Variants in FCHO1 observed in about 807,000 individuals in gnomAD.
FCHO1 encodes the protein FCH and mu domain containing endocytic adaptor 1, also known as F-BAR domain only protein 1.
A neutral mutation model predicts 114.4 loss-of-function variants in FCHO1; 45 were observed. The ratio of observed to expected loss-of-function variants is 0.39; its 90% confidence interval spans 0.31 to 0.50. FCHO1 has a LOEUF of 0.50. FCHO1 is among the 20% of genes least tolerant of loss of function. The probability of loss-of-function intolerance (pLI) is 0.77; values close to 1 mark genes in which losing one functional copy is unlikely to be tolerated. For missense variants in FCHO1, 1,042 were observed against 1,209.6 expected, an observed-to-expected ratio of 0.86 and a Z score of 2.06; for synonymous variants, 480 against 488.9, an observed-to-expected ratio of 0.98 and a Z score of 0.24.
chr19:17,770,362 G>A lies in FCHO1; in HGVS notation c.337-63G>A, dbSNP rs12327667. 648,156 of 1,491,118 alleles carry A rather than the reference G, an allele frequency of 0.43. 145,652 individuals are homozygous for A. Among genetic ancestry groups the A allele is most frequent in the East Asian group, 0.72 (30,752 of 42,664 alleles). 92.4% of individuals were successfully genotyped at this position (1,491,118 alleles called of 1,614,324 possible). On this transcript the variant is annotated intron_variant, in intron 7 of 28. Transcript: ENST00000596536. ...AAAAAGACTGTGGAGCTGACATCACGTGGAGTGTTTGGGAGGTCAGGAATT... is the reference window on the plus strand; with the variant it reads ...AAAAAGACTGTGGAGCTGACATCACATGGAGTGTTTGGGAGGTCAGGAATT...
intron 8 of FCHO1, 47 bp from the exon 9 acceptor site, chr19:17,770,745 C>T (rs1481843496): frequency 3.8e-6 from 6 of 1,598,538 alleles, no homozygotes; most frequent in Non-Finnish European, 5.1e-6. Flanking sequence ...GGGGGAGGCC[C>T]CCTGAGTATC....
chr19:17,766,554 TATTC>T (rs2146758003), intron 6 of FCHO1, 111 bp from the exon 7 acceptor site: 1 of 1,311,068 alleles, frequency 7.6e-7, no homozygotes, highest in South Asian at 1.4e-5. Context: ...TATGAATTAG[TATTC>T]ATTCATGTTT....
intron 27 of FCHO1, among the ~76,000 whole-genome samples, chr19:17,787,223 C>CA (rs61302593): frequency 0.021 from 824 of 39,820 alleles, 124 homozygotes; most frequent in East Asian, 0.2. Flanking sequence ...GACTCTGTCT[C>CA]AAAAAAAAAA....
chr19:17,787,678 C>A lies in FCHO1; in HGVS notation c.2483-4C>A. 1 of 1,552,572 alleles carries A rather than the reference C, an allele frequency of 6.4e-7. No individual in the cohort carries two copies. The highest frequency in any genetic ancestry group is 2.4e-5 in the East Asian group (1 of 41,800). On this transcript the variant is annotated splice_polypyrimidine_tract_variant and splice_region_variant and intron_variant, in intron 27 of 28. Coordinates refer to ENST00000596536, the MANE Select transcript of FCHO1 (RefSeq NM_015122.3). ...AGGGCGCAGCTGACTGCAGGTCTCC[C>A]CAGGTTCTGGCCGCCTCTCTGCCAG...
At chr19:17,748,217 C>T (rs776577586), upstream of FCHO1, among the ~76,000 whole-genome samples, 1 of 152,164 alleles carries the variant, frequency 6.6e-6, no homozygotes, top group East Asian at 1.9e-4. Flanking sequence ...ATTCCCTCTT[C>T]CCAGCTCCGG....
chr19:17,775,976 A>C lies in FCHO1; in HGVS notation c.1004-7A>C. 6.2e-7 allele frequency: 1 copy of C among 1,605,396 alleles called. No individual in the cohort carries two copies. Among genetic ancestry groups the C allele is most frequent in the Non-Finnish European group, 8.5e-7 (1 of 1,179,490 alleles). ...TGGGATTGGCTTGGACCTTGACTGC[A>C]GCCCACGCACGGCCGAGCCCTCCCG... On this transcript the variant is annotated splice_polypyrimidine_tract_variant and splice_region_variant and intron_variant, in intron 15 of 28. Coordinates refer to ENST00000596536, the MANE Select transcript of FCHO1 (RefSeq NM_015122.3). The surrounding 1 kb of genome is among the most constrained non-coding windows in gnomAD (Gnocchi z 5.1).
chr19:17,760,028 G>A (rs1296482307), intron 4 of FCHO1, among the ~76,000 whole-genome samples: 1 of 144,168 alleles, frequency 6.9e-6, no homozygotes, highest in Non-Finnish European at 1.5e-5. Flanking sequence ...GAAATATGTT[G>A]TGTCTCCTGT....
intron 1 of FCHO1, chr19:17,752,441 G>A (rs2082213512): frequency 6.6e-6 from 1 of 150,758 alleles, no homozygotes; most frequent in Non-Finnish European, 1.5e-5. Flanking sequence ...ATATTTTTTG[G>A]TAGAGATGGG....
rs1305227808 is a variant in FCHO1 at position 17,781,462 on chromosome 19, TG to T, written c.1752del (p.Ser585AlafsTer44). On this transcript the variant is annotated frameshift_variant, in exon 22 of 29. Coordinates refer to ENST00000596536, the MANE Select transcript of FCHO1 (RefSeq NM_015122.3). LOFTEE classifies it high-confidence loss of function. ...TRSNGDLSRS[L>X]SPSPLGSSAA... is the part of the protein sequence containing the mutation. ...CTCTTTCCCTTCCAGTCTCGTTCCCTGAGCCCCTCCCCACTGGGCTCTTCAG... is the reference window on the plus strand; with the variant it reads ...CTCTTTCCCTTCCAGTCTCGTTCCCTAGCCCCTCCCCACTGGGCTCTTCAG... The T allele has an allele frequency of 6.2e-7, 1 of 1,613,966 alleles. No homozygotes were observed. The highest frequency in any genetic ancestry group is 8.5e-7 in the Non-Finnish European group (1 of 1,179,980).
rs897835069 is a variant in FCHO1, at chr19:17,778,525, C to T, written c.1352-84C>T. 29 of 1,434,582 alleles carry T rather than the reference C, an allele frequency of 2.0e-5. No homozygotes were observed. In the East Asian group the frequency reaches 5.5e-4, roughly 27 times the overall value. 88.9% of individuals were successfully genotyped at this position (1,434,582 alleles called of 1,614,324 possible). A position where few individuals can be genotyped will look rare whatever the true frequency, so the allele number is the denominator to read the frequency against. On this transcript the variant is annotated intron_variant, in intron 19 of 28. Coordinates refer to ENST00000596536, the MANE Select transcript of FCHO1 (RefSeq NM_015122.3). ...AATGGGGGCCCCCCTGACCTTCCCTCGACGTGGCCGTGGCCTGCAGGAGGA... is the reference window on the plus strand; with the variant it reads ...AATGGGGGCCCCCCTGACCTTCCCTTGACGTGGCCGTGGCCTGCAGGAGGA...
At chr19:17,765,739 G>A (rs1464593688) in intron 6 of FCHO1, among the ~76,000 whole-genome samples, 2 of 151,986 alleles carry the variant, frequency 1.3e-5, no homozygotes, top group Non-Finnish European at 2.9e-5. Flanking sequence ...AGTTTTCTTT[G>A]TGGCTGCTAT....
chr19:17,757,263 GAC>G (rs1288957011), intron 4 of FCHO1, among the ~76,000 whole-genome samples: 1 of 151,820 alleles, frequency 6.6e-6, no homozygotes, highest in Non-Finnish European at 1.5e-5. Context: ...TGGTGGGAGA[GAC>G]AGACCTGAGA....
At chr19:17,760,939 G>A (rs566647203) in intron 4 of FCHO1, among the ~76,000 whole-genome samples, 69 of 152,118 alleles carry the variant, frequency 4.5e-4, no homozygotes, top group Admixed American at 1.3e-3. Context: ...GTGAGCCACC[G>A]CGCCTAACCT....
chr19:17,776,521 T>C lies in FCHO1; in HGVS notation c.1208-114T>C. The C allele has an allele frequency of 1.6e-6, 2 of 1,243,226 alleles. No homozygotes were observed. The highest frequency in any genetic ancestry group is 2.4e-6 in the Non-Finnish European group (2 of 849,782). 77.0% of individuals were successfully genotyped at this position (1,243,226 alleles called of 1,614,324 possible). A position where few individuals can be genotyped will look rare whatever the true frequency, so the allele number is the denominator to read the frequency against. ...TTGAATCCATGTCTGCCTGATTTGCTGATCACCTTGGGCAACTGGCTGGAC... is the reference window on the plus strand; with the variant it reads ...TTGAATCCATGTCTGCCTGATTTGCCGATCACCTTGGGCAACTGGCTGGAC... On this transcript the variant is annotated intron_variant, in intron 17 of 28. Coordinates refer to ENST00000596536, the MANE Select transcript of FCHO1 (RefSeq NM_015122.3). This position sits in a 1 kb window ranked among gnomAD's most constrained non-coding sequence, Gnocchi z 4.4.
chr19:17,787,148 C>T (rs2147551775), intron 27 of FCHO1, among the ~76,000 whole-genome samples: 1 of 143,138 alleles, frequency 7.0e-6, no homozygotes, highest in South Asian at 2.2e-4. Context: ...CGCTTGAACC[C>T]AGTAGGTGAA....
In FCHO1 at chr19:17,778,199, A is replaced by T; in HGVS notation, c.1322A>T (p.Glu441Val). ...AAGAACCTCTTTGGGCCGCCCCTGG[A>T]GTCAGCCTTTGACCACGAAGATTTT... is the stretch of plus-strand genomic sequence containing the variant. ...VSKNLFGPPL[E>V]SAFDHEDFTG... Residue 441 changes from glutamate to valine, a missense_variant, in exon 19 of 29, where the codon GAG (glutamate) becomes GTG (valine). Transcript: ENST00000596536. The T allele has an allele frequency of 6.2e-7, 1 of 1,613,896 alleles. No homozygotes were observed. Among genetic ancestry groups the T allele is most frequent in the Middle Eastern group, 1.7e-4 (1 of 5,948 alleles).
At chr19:17,778,359 CGGGGCCAGAGTGCGCGTGGGA>C (rs2092914991) in intron 19 of FCHO1, 131 bp downstream of exon 19, 10 of 447,508 alleles carry the variant, frequency 2.2e-5, no homozygotes, top group East Asian at 5.2e-5. Flanking sequence ...TAGGGGTGGG[CGGGGCCAGAGTGCGCGTGGGA>C]GGGGCCATAG....
At chr19:17,780,633 G>A (rs1434272166) in intron 20 of FCHO1, among the ~76,000 whole-genome samples, 1 of 152,066 alleles carries the variant, frequency 6.6e-6, no homozygotes, top group Admixed American at 6.6e-5. Flanking sequence ...GGCAGCCCCC[G>A]CCCCCGAGAA....
At chr19:17,786,733 A>G in intron 27 of FCHO1, 104 bp downstream of exon 27, 2 of 1,259,366 alleles carry the variant, frequency 1.6e-6, no homozygotes, top group Non-Finnish European at 2.2e-6. Flanking sequence ...AGGGCGGGCA[A>G]GTATGGGCAT....
Sources: allele counts gnomAD v4.1 joint callset (sites outside exome capture counted in the v4.1 genomes callset), GRCh38; gene constraint gnomAD v4.1.1; non-coding constraint Gnocchi (gnomAD v3.1); transcripts MANE v1.5; gene names NCBI Gene and HGNC (gene_info 2026-07-23, HGNC 2026-07-21).